The following CCDC30 variants were observed in gnomAD, a reference collection of about 807,000 sequenced individuals.
CCDC30 encodes the protein coiled-coil domain containing 30.
In CCDC30, 70 loss-of-function variants were observed where a neutral mutation model predicts 100.2. The observed-to-expected ratio is 0.70, with a 90% CI of 0.58 to 0.85. The LOEUF is 0.85. CCDC30 is among the 40% of genes least tolerant of loss of function. The pLI, the probability that CCDC30 is intolerant of heterozygous loss-of-function variation, is 0.00. For missense variants in CCDC30, 652 were observed against 771.2 expected, an observed-to-expected ratio of 0.85 and a Z score of 1.83; for synonymous variants, 233 against 269.5, an observed-to-expected ratio of 0.86 and a Z score of 1.33.
chr1:42,628,594 G>T (rs949024519), intron 11 of CCDC30, among the ~76,000 whole-genome samples: 14 of 152,090 alleles, frequency 9.2e-5, no homozygotes, highest in Non-Finnish European at 1.6e-4. Flanking sequence ...AATCATGGGG[G>T]CCAGTCTTTC....
chr1:42,491,191 T>C (rs962792343), intron 4 of CCDC30, among the ~76,000 whole-genome samples: 1 of 152,184 alleles, frequency 6.6e-6, no homozygotes, highest in Non-Finnish European at 1.5e-5. Flanking sequence ...AGTAAGGATA[T>C]AAAAGTCCTA....
chr1:42,456,882 G>C, the CCDC30 span: 3 of 1,613,058 alleles, frequency 1.9e-6, no homozygotes, highest in South Asian at 2.2e-5. Flanking sequence ...TCCGCTCTGC[G>C]GCCTTCGGGC....
chr1:42,462,434 G>T (rs538370686), upstream of CCDC30, among the ~76,000 whole-genome samples: 100 of 152,220 alleles, frequency 6.6e-4, 1 homozygote, highest in African/African-American at 2.3e-3. Flanking sequence ...CTTGCAAGAG[G>T]TCTAGTGCCA....
At chr1:42,570,344 A>G (rs1297624143) in intron 7 of CCDC30, among the ~76,000 whole-genome samples, 1 of 151,922 alleles carries the variant, frequency 6.6e-6, no homozygotes, top group African/African-American at 2.4e-5. Flanking sequence ...AATTAAATAA[A>G]CATTAAAATA....
intron 15 of CCDC30, among the ~76,000 whole-genome samples, chr1:42,647,939 G>A (rs1016751728): frequency 7.2e-5 from 11 of 152,122 alleles, no homozygotes; most frequent in African/African-American, 1.7e-4. Flanking sequence ...GGAGTTTTTT[G>A]TTGTTGTTTG....
At chr1:42,560,352 G>A (rs1398524116) in intron 6 of CCDC30, among the ~76,000 whole-genome samples, 1 of 152,050 alleles carries the variant, frequency 6.6e-6, no homozygotes, top group Non-Finnish European at 1.5e-5. Flanking sequence ...GAATCCTGGA[G>A]CTGTTTTTAT....
chr1:42,622,123 C>G (rs1646850462), intron 11 of CCDC30, among the ~76,000 whole-genome samples: 1 of 152,160 alleles, frequency 6.6e-6, no homozygotes, highest in Admixed American at 6.5e-5. Context: ...CCATCTTGTA[C>G]TCTCTATCTC....
At chr1:42,556,488 T>G (rs1408177032) in intron 6 of CCDC30, 83 bp downstream of exon 10, 7 of 1,412,886 alleles carry the variant, frequency 5.0e-6, no homozygotes, top group Non-Finnish European at 5.7e-6. Flanking sequence ...AATACCATCA[T>G]TCATATATAT....
At chr1:42,626,412 G>C (rs555870769) in intron 11 of CCDC30, among the ~76,000 whole-genome samples, 18 of 152,026 alleles carry the variant, frequency 1.2e-4, no homozygotes, top group South Asian at 8.3e-4. Flanking sequence ...TTTGTTTTCT[G>C]GTTGTTTGTA....
At chr1:42,499,065 G>T (rs895183459) in intron 6 of CCDC30, 149 bp downstream of exon 6, 1 of 406,692 alleles carries the variant, frequency 2.5e-6, no homozygotes, top group Admixed American at 4.4e-5. Flanking sequence ...GAGTGGAAGA[G>T]GAAAGAGGGC....
chr1:42,628,063 G>T (rs1402953378), intron 11 of CCDC30, among the ~76,000 whole-genome samples: 1 of 152,128 alleles, frequency 6.6e-6, no homozygotes. Flanking sequence ...CAGGAGGGAG[G>T]CTATACCCTG....
intron 7 of CCDC30, among the ~76,000 whole-genome samples, chr1:42,576,088 C>T (rs1356396809): frequency 3.3e-5 from 5 of 152,092 alleles, no homozygotes; most frequent in Non-Finnish European, 7.4e-5. Context: ...GAGTGAGGGA[C>T]CACTGAAAGA....
In CCDC30 at chr1:42,519,755, A is replaced by G. The variant is rs533681330; in HGVS notation, c.456+20839A>G. Among the ~76,000 whole-genome samples the G allele has an allele frequency of 2.0e-5, 3 of 151,994 alleles. No homozygotes were observed. In the South Asian group the frequency reaches 6.2e-4, roughly 32 times the overall value. ...TTTTTAGTAGAGACAGGGTTTCACCATGTTGGCCAGGCTGGTCTCAAACTC... is the reference window on the plus strand; with the variant it reads ...TTTTTAGTAGAGACAGGGTTTCACCGTGTTGGCCAGGCTGGTCTCAAACTC... On this transcript the variant is annotated intron_variant, in intron 6 of 16. Transcript: ENST00000668663.
At chr1:42,502,034 A>G (rs1013012210) in intron 6 of CCDC30, among the ~76,000 whole-genome samples, 1 of 152,198 alleles carries the variant, frequency 6.6e-6, no homozygotes, top group Non-Finnish European at 1.5e-5. Context: ...TTTTTTGTTC[A>G]GCTATGCCCT....
chr1:42,591,337 C>T (rs1464607396), intron 10 of CCDC30: 2 of 152,312 alleles, frequency 1.3e-5, no homozygotes, highest in Non-Finnish European at 2.9e-5. Flanking sequence ...GGGCCAAGCA[C>T]TGGGTACCAC....
intron 6 of CCDC30, among the ~76,000 whole-genome samples, chr1:42,558,591 A>G (rs950293346): frequency 2.0e-5 from 3 of 152,196 alleles, no homozygotes; most frequent in African/African-American, 7.2e-5. Context: ...TCTTTCCAGG[A>G]TCACCCATTG....
chr1:42,595,812 T>G (rs1366914602), intron 10 of CCDC30, among the ~76,000 whole-genome samples: 1 of 152,224 alleles, frequency 6.6e-6, no homozygotes, highest in East Asian at 1.9e-4. Flanking sequence ...CCTGCTATCA[T>G]GCACCTTGTC....
chr1:42,507,623 C>G (rs1644415399), intron 6 of CCDC30, among the ~76,000 whole-genome samples: 1 of 152,102 alleles, frequency 6.6e-6, no homozygotes, highest in Admixed American at 6.6e-5. Flanking sequence ...TTTTAGTAGT[C>G]AAAATTACAT....
At chr1:42,484,133 TA>T (rs897613042) in intron 3 of CCDC30, among the ~76,000 whole-genome samples, 21 of 143,356 alleles carry the variant, frequency 1.5e-4, no homozygotes, top group African/African-American at 2.1e-4. Context: ...CAAATAATAA[TA>T]AAAAAAAGAA....
Sources: gnomAD v4.1 joint callset for allele counts (sites outside exome capture counted in the v4.1 genomes callset) on GRCh38, gnomAD v4.1.1 for gene constraint, MANE v1.5 for transcripts, NCBI Gene and HGNC (gene_info 2026-07-23, HGNC 2026-07-21) for gene names.